IFNAR1: variants seen among roughly 807,000 people sequenced by gnomAD.
IFNAR1 encodes the protein interferon alpha/beta receptor 1.
A neutral mutation model predicts 62.1 loss-of-function variants in IFNAR1; 47 were observed. The ratio of observed to expected loss-of-function variants is 0.76; its 90% CI spans 0.60 to 0.97. The LOEUF (loss-of-function observed/expected upper bound fraction) is 0.97. IFNAR1 is among the 50% of genes least tolerant of loss of function. IFNAR1 has a pLI of 0.00. For synonymous variants in IFNAR1, 219 were observed against 226.9 expected, an observed-to-expected ratio of 0.97 and a Z score of 0.31; for missense variants, 638 against 654.5, an observed-to-expected ratio of 0.97 and a Z score of 0.27.
chr21:33,354,542 A>G (rs1009995306), intron 10 of IFNAR1, among the ~76,000 whole-genome samples: 10 of 151,288 alleles, frequency 6.6e-5, no homozygotes, highest in African/African-American at 2.2e-4. Context: ...TGAAATAACT[A>G]AAAACATGAG....
intron 1 of IFNAR1, among the ~76,000 whole-genome samples, chr21:33,332,293 C>A (rs1472834512): frequency 6.6e-6 from 1 of 152,192 alleles, no homozygotes; most frequent in East Asian, 1.9e-4. Context: ...ACATTGAACA[C>A]AGGTAAAGCA....
At chr21:33,336,661 G>A (rs2083239714) in intron 2 of IFNAR1, among the ~76,000 whole-genome samples, 1 of 151,988 alleles carries the variant, frequency 6.6e-6, no homozygotes, top group South Asian at 2.1e-4. Flanking sequence ...AAGGTCCATC[G>A]AAGACCTTGG....
At chr21:33,351,840 C>A (rs2083400473) in intron 8 of IFNAR1, among the ~76,000 whole-genome samples, 1 of 152,040 alleles carries the variant, frequency 6.6e-6, no homozygotes, top group African/African-American at 2.4e-5. Context: ...ACTACAGGCT[C>A]ACACCACCAT....
intron 1 of IFNAR1, among the ~76,000 whole-genome samples, chr21:33,326,063 T>G (rs1049553942): frequency 6.6e-6 from 1 of 152,172 alleles, no homozygotes; most frequent in African/African-American, 2.4e-5. Context: ...TGTTCAAAAC[T>G]CAATGAAATG....
intron 1 of IFNAR1, among the ~76,000 whole-genome samples, chr21:33,331,937 C>T (rs1374830125): frequency 6.6e-6 from 1 of 152,180 alleles, no homozygotes; most frequent in African/African-American, 2.4e-5. Context: ...CTCCAGGTCA[C>T]AAATCCTGGC....
intron 1 of IFNAR1, among the ~76,000 whole-genome samples, chr21:33,330,852 A>G (rs1463361113): frequency 6.6e-6 from 1 of 152,160 alleles, no homozygotes; most frequent in Non-Finnish European, 1.5e-5. Context: ...ATGGGCACCA[A>G]CAGATCTCAC....
intron 3 of IFNAR1, among the ~76,000 whole-genome samples, chr21:33,341,502 G>A (rs2083292012): frequency 6.6e-6 from 1 of 152,154 alleles, no homozygotes; most frequent in Admixed American, 6.5e-5. Context: ...TGTTTGATGT[G>A]TGATGTGGTG....
chr21:33,356,837 T>G lies in IFNAR1; in HGVS notation c.*1288T>G, dbSNP rs982198634. ...TGCAAGAGGAAGAAGAATGTTCCAC[T>G]GGAAGCCTGAGCACCTAATCAGCTC... On this transcript the variant is annotated 3_prime_UTR_variant, in exon 11 of 11. Transcript: ENST00000270139. 2.0e-5 allele frequency: 3 copies of G among 152,214 alleles called. No individual in the cohort carries two copies. The highest frequency in any genetic ancestry group is 4.8e-5 in the African/African-American group (2 of 41,454). The allele number at this position is 152,214 out of a possible 1,614,324, so 9.4% of individuals were successfully genotyped here.
At position 33,325,119 on chromosome 21, in the gene IFNAR1, T is replaced by A; in HGVS notation, c.64T>A (p.Ser22Thr). ...CGTCGCCGTGGCGCCATGGGTGTTGTCCGCAGCCGCAGGTGAGAGGCGGGG... is the reference window on the plus strand; with the variant it reads ...CGTCGCCGTGGCGCCATGGGTGTTGACCGCAGCCGCAGGTGAGAGGCGGGG... ...VLVAVAPWVLSAAAGGKNLKS... is the reference protein window; with the variant it reads ...VLVAVAPWVLTAAAGGKNLKS... Residue 22 changes from serine (S) to threonine (T), a missense_variant, in exon 1 of 11, where the codon TCC becomes ACC. Transcript: ENST00000270139. The A allele has an allele frequency of 6.2e-7, 1 of 1,611,406 alleles. No individual in the cohort carries two copies.
rs36125058 is a variant in IFNAR1, at chr21:33,357,530, G to GTTTTTTTTTTTTTTTTTTT, written c.*1996_*1997insTTTTTTTTTTTTTTTTTTT. The GTTTTTTTTTTTTTTTTTTT allele has an allele frequency of 4.3e-5, 6 of 139,670 alleles. No individual in the cohort carries two copies. Among genetic ancestry groups the GTTTTTTTTTTTTTTTTTTT allele is most frequent in the African/African-American group, 1.6e-4 (6 of 37,238 alleles). 8.7% of individuals were successfully genotyped at this position (139,670 alleles called of 1,614,324 possible). A position where few individuals can be genotyped will look rare whatever the true frequency, so the allele number is the denominator to read the frequency against. On this transcript the variant is annotated 3_prime_UTR_variant, in exon 11 of 11. Transcript: ENST00000270139. ...ATTTTCATCTTTCTGACCAGAGGCT[G>GTTTTTTTTTTTTTTTTTTT]TTTTTTTTTTTTTTTGAGACAGTCT...
At chr21:33,344,761 T>TTTAC (rs2083328551) in intron 5 of IFNAR1, among the ~76,000 whole-genome samples, 1 of 126,992 alleles carries the variant, frequency 7.9e-6, no homozygotes, top group Non-Finnish European at 1.7e-5. Flanking sequence ...TTCTTTCTTT[T>TTTAC]TTACTTATTT....
chr21:33,326,334 A>G (rs895117391), intron 1 of IFNAR1, among the ~76,000 whole-genome samples: 1 of 150,882 alleles, frequency 6.6e-6, no homozygotes, highest in Non-Finnish European at 1.5e-5. Flanking sequence ...CCTCTTGAGT[A>G]GCTGGAATTA....
At chr21:33,338,393 G>T (rs1345273348) in intron 2 of IFNAR1, among the ~76,000 whole-genome samples, 1 of 90,484 alleles carries the variant, frequency 1.1e-5, no homozygotes, top group African/African-American at 6.2e-5. Flanking sequence ...ACTTCAGCCG[G>T]ATGTGGTGGT....
At chr21:33,340,528 CTT>C (rs917250586) in intron 2 of IFNAR1, among the ~76,000 whole-genome samples, 9 of 143,512 alleles carry the variant, frequency 6.3e-5, no homozygotes, top group Admixed American at 2.1e-4. Flanking sequence ...CCTGCTTTGC[CTT>C]TTTTTTTTTT....
intron 6 of IFNAR1, among the ~76,000 whole-genome samples, chr21:33,347,416 C>A (rs2083359408): frequency 6.6e-6 from 1 of 152,150 alleles, no homozygotes. Flanking sequence ...AGGCGTGAGG[C>A]ACCGCGCTCA....
intron 2 of IFNAR1, among the ~76,000 whole-genome samples, chr21:33,337,406 C>G (rs2083248407): frequency 6.6e-6 from 1 of 151,926 alleles, no homozygotes; most frequent in African/African-American, 2.4e-5. Context: ...AGTACTTTGC[C>G]TTCCGATTAT....
At position 33,356,611 on chromosome 21, in the gene IFNAR1, C is replaced by CT. The variant is rs1170702305; in HGVS notation, c.*1063dup. 1 of 152,168 alleles carries CT rather than the reference C, an allele frequency of 6.6e-6. No individual in the cohort carries two copies. Among genetic ancestry groups the CT allele is most frequent in the Non-Finnish European group, 1.5e-5 (1 of 68,030 alleles). 9.4% of individuals were successfully genotyped at this position (152,168 alleles called of 1,614,324 possible). A position where few individuals can be genotyped will look rare whatever the true frequency, so the allele number is the denominator to read the frequency against. On this transcript the variant is annotated 3_prime_UTR_variant, in exon 11 of 11. Coordinates refer to ENST00000270139, the MANE Select transcript of IFNAR1 (RefSeq NM_000629.3). ...TAGCTTCTGCTGGAATTTGCAATCA[C>CT]TGAAGTCATAGAAAATAGGTAACTA... is the stretch of plus-strand genomic sequence containing the variant.
Position 33,349,523 on chromosome 21 carries a change from G to GA in IFNAR1, c.1127dup (p.Asn376LysfsTer6). 1 of 1,607,434 alleles carries GA rather than the reference G, an allele frequency of 6.2e-7. No homozygotes were observed. Among genetic ancestry groups the GA allele is most frequent in the Admixed American group, 1.7e-5 (1 of 59,078 alleles). On this transcript the variant is annotated frameshift_variant, in exon 8 of 11. Transcript: ENST00000270139. LOFTEE classifies it high-confidence loss of function. ...ACTGATTTATGAAATTATTTTTTGG[G>GA]AAAACACTTCAAATGCTGAGGTAAA...
At position 33,355,505 on chromosome 21, in the gene IFNAR1, A is replaced by G. The variant is rs768470991; in HGVS notation, c.1630A>G (p.Ser544Gly). 1 of 1,603,178 alleles carries G rather than the reference A, an allele frequency of 6.2e-7. No individual in the cohort carries two copies. Among genetic ancestry groups the G allele is most frequent in the Non-Finnish European group, 8.5e-7 (1 of 1,176,640 alleles). The change falls in exon 11 of 11, where the codon AGC becomes GGC. Residue 544 changes from serine (S) to glycine (G), a missense_variant. Coordinates refer to ENST00000270139, the MANE Select transcript of IFNAR1 (RefSeq NM_000629.3). Reference protein sequence around the residue: ...DSGNYSNEDESESKTSEELQQ... With the variant: ...DSGNYSNEDEGESKTSEELQQ... Reference sequence around the variant, plus strand: ...AGGAAATTATTCTAATGAAGATGAAAGCGAAAGTAAAACAAGTGAAGAACT... The same window carrying G: ...AGGAAATTATTCTAATGAAGATGAAGGCGAAAGTAAAACAAGTGAAGAACT...
Sources: allele counts gnomAD v4.1 joint callset (sites outside exome capture counted in the v4.1 genomes callset), GRCh38; gene constraint gnomAD v4.1.1; transcripts MANE v1.5; gene names NCBI Gene and HGNC (gene_info 2026-07-23, HGNC 2026-07-21).